GNB1: variants seen among roughly 807,000 people sequenced by gnomAD.
GNB1 encodes the protein guanine nucleotide-binding protein G(I)/G(S)/G(T) subunit beta-1.
GNB1 carries 2 observed loss-of-function variants against 42.9 expected under a neutral mutation model. The ratio of observed to expected loss-of-function variants is 0.05; its 90% CI spans 0.02 to 0.15. The LOEUF is 0.15. Ranked by LOEUF, GNB1 falls within the 10% of genes least tolerant of loss-of-function variation. GNB1 has a pLI of 1.00. For synonymous variants in GNB1, 183 were observed against 174.7 expected, an observed-to-expected ratio of 1.05 and a Z score of -0.38; for missense variants, 193 against 462.2, an observed-to-expected ratio of 0.42 and a Z score of 5.34.
intron 3 of GNB1, among the ~76,000 whole-genome samples, chr1:1,819,276 C>T (rs1047186193): frequency 1.3e-4 from 19 of 151,402 alleles, no homozygotes; most frequent in Middle Eastern, 3.2e-3. Context: ...GGCGGGAGTG[C>T]TGTGTCGCGA....
intron 1 of GNB1, among the ~76,000 whole-genome samples, chr1:1,852,686 G>C (rs938497840): frequency 7.6e-6 from 1 of 132,186 alleles, no homozygotes; most frequent in Non-Finnish European, 1.6e-5. Context: ...TGTCTCTTAA[G>C]AAAAAAAAAA....
intron 1 of GNB1, among the ~76,000 whole-genome samples, chr1:1,842,159 G>T (rs375491163): frequency 1.3e-5 from 2 of 152,276 alleles, no homozygotes; most frequent in South Asian, 4.1e-4. Context: ...TGCCAGGCAC[G>T]GTGGCTCACG....
intron 3 of GNB1, 118 bp from the exon 4 acceptor site, chr1:1,817,993 T>C: frequency 1.3e-6 from 1 of 761,932 alleles, no homozygotes; most frequent in Non-Finnish European, 2.3e-6. Context: ...AAGCAGAATG[T>C]GAAAGAACGG....
chr1:1,845,780 T>C (rs1337707933), intron 1 of GNB1, among the ~76,000 whole-genome samples: 1 of 151,340 alleles, frequency 6.6e-6, no homozygotes, highest in African/African-American at 2.4e-5. Flanking sequence ...ATGGAAATTC[T>C]CTATACATTT....
At chr1:1,858,350 A>AT (rs548745381) in intron 1 of GNB1, among the ~76,000 whole-genome samples, 5 of 151,880 alleles carry the variant, frequency 3.3e-5, no homozygotes, top group African/African-American at 7.3e-5. Flanking sequence ...TAACTATTTT[A>AT]TTTTTTTTCA....
intron 5 of GNB1, among the ~76,000 whole-genome samples, chr1:1,807,579 G>A (rs983106614): frequency 4.0e-5 from 6 of 150,732 alleles, no homozygotes; most frequent in South Asian, 2.1e-4. Context: ...TTCCCAGACT[G>A]AGCTAAAATT....
At chr1:1,805,441 G>GT (rs1419761564) in intron 6 of GNB1, among the ~76,000 whole-genome samples, 1 of 151,964 alleles carries the variant, frequency 6.6e-6, no homozygotes, top group East Asian at 1.9e-4. Flanking sequence ...AGCCAGGGCG[G>GT]TAAGAGCAAT....
At chr1:1,879,809 A>G (rs1378093956) in intron 1 of GNB1, among the ~76,000 whole-genome samples, 1 of 152,190 alleles carries the variant, frequency 6.6e-6, no homozygotes, top group Non-Finnish European at 1.5e-5. Flanking sequence ...AATGGGAGCA[A>G]TGGATCTTCA....
intron 1 of GNB1, among the ~76,000 whole-genome samples, chr1:1,863,262 T>A (rs1648729698): frequency 6.6e-6 from 1 of 152,056 alleles, no homozygotes; most frequent in African/African-American, 2.4e-5. Context: ...ATGGAAGCAG[T>A]GAGGGCCACA....
At chr1:1,856,252 C>T (rs1292153006) in intron 1 of GNB1, among the ~76,000 whole-genome samples, 1 of 152,160 alleles carries the variant, frequency 6.6e-6, no homozygotes, top group Non-Finnish European at 1.5e-5. Flanking sequence ...AAACTCTCAG[C>T]CTCAAGTGAT....
chr1:1,874,519 A>C (rs1473357031), intron 1 of GNB1, among the ~76,000 whole-genome samples: 3 of 148,552 alleles, frequency 2.0e-5, no homozygotes, highest in Non-Finnish European at 4.4e-5. Flanking sequence ...AGGCAGGAGA[A>C]CTGCTTGAAC....
intron 1 of GNB1, among the ~76,000 whole-genome samples, chr1:1,849,716 T>C (rs1215872733): frequency 2.0e-5 from 3 of 152,154 alleles, no homozygotes; most frequent in African/African-American, 2.4e-5. Context: ...GAAATACTTT[T>C]TTTCTGGCTA....
At chr1:1,868,626 C>CA (rs980885477) in intron 1 of GNB1, among the ~76,000 whole-genome samples, 1 of 151,082 alleles carries the variant, frequency 6.6e-6, no homozygotes, top group African/African-American at 2.4e-5. Flanking sequence ...ACTAAAAATA[C>CA]AAAAAAATTA....
At chr1:1,802,316 G>A (rs1260473483) in intron 7 of GNB1, among the ~76,000 whole-genome samples, 3 of 152,154 alleles carry the variant, frequency 2.0e-5, no homozygotes, top group Non-Finnish European at 2.9e-5. Context: ...TCAAAGGACT[G>A]AAATGATACC....
At chr1:1,881,566 A>G (rs1275817424) in intron 1 of GNB1, among the ~76,000 whole-genome samples, 3 of 151,864 alleles carry the variant, frequency 2.0e-5, no homozygotes, top group African/African-American at 7.3e-5. Flanking sequence ...ACCAAGCCTA[A>G]TTTTTATATG....
At chr1:1,884,234 G>C (rs927360206) in intron 1 of GNB1, among the ~76,000 whole-genome samples, 2 of 151,960 alleles carry the variant, frequency 1.3e-5, no homozygotes, top group Non-Finnish European at 2.9e-5. Context: ...CGAGTAGCTG[G>C]AATTACAGGC....
At chr1:1,795,772 C>A (rs1456053245) in intron 7 of GNB1, among the ~76,000 whole-genome samples, 2 of 74,766 alleles carry the variant, frequency 2.7e-5, no homozygotes, top group African/African-American at 7.5e-5. Context: ...AAAAACATGA[C>A]CTCATAGGTC....
chr1:1,792,622 T>C (rs1646495880), intron 8 of GNB1, among the ~76,000 whole-genome samples: 1 of 143,218 alleles, frequency 7.0e-6, no homozygotes, highest in Non-Finnish European at 1.5e-5. Flanking sequence ...TGCTTGAATC[T>C]GGGAGGCAGA....
chr1:1,840,730 T>C (rs1647220484), intron 1 of GNB1, among the ~76,000 whole-genome samples: 1 of 152,234 alleles, frequency 6.6e-6, no homozygotes, highest in Admixed American at 6.5e-5. Flanking sequence ...TCTGTCCCTC[T>C]CCTGCTGACA....
Sources: gnomAD v4.1 joint callset for allele counts (sites outside exome capture counted in the v4.1 genomes callset) on GRCh38, gnomAD v4.1.1 for gene constraint, MANE v1.5 for transcripts, NCBI Gene and HGNC (gene_info 2026-07-23, HGNC 2026-07-21) for gene names.